DNAH11: variants seen among roughly 807,000 people sequenced by gnomAD.
DNAH11 encodes the protein dynein axonemal heavy chain 11, also known as axonemal beta dynein heavy chain 11.
A neutral mutation model predicts 526.0 loss-of-function variants in DNAH11; 442 were observed. The observed-to-expected ratio is 0.84, with a 90% CI of 0.78 to 0.91. The LOEUF (loss-of-function observed/expected upper bound fraction) is 0.91. Ranked by LOEUF, DNAH11 falls within the 40% of genes least tolerant of loss-of-function variation. The probability of loss-of-function intolerance (pLI) is 0.00; values close to 1 mark genes in which losing one functional copy is unlikely to be tolerated. For missense variants in DNAH11, 6,989 were observed against 5,448.7 expected (o/e 1.28, Z -8.90); for synonymous variants, 2,461 against 1,935.9 (o/e 1.27, Z -7.12).
At chr7:21,749,990 A>G (rs1786341143) in intron 53 of DNAH11, among the ~76,000 whole-genome samples, 189 bp downstream of exon 53, 1 of 152,208 alleles carries the variant, frequency 6.6e-6, no homozygotes, top group Non-Finnish European at 1.5e-5. Flanking sequence ...GAAGGCCTTC[A>G]GTGAAGTAAA....
chr7:21,554,436 G>T (rs1460712206), intron 2 of DNAH11, among the ~76,000 whole-genome samples: 1 of 152,030 alleles, frequency 6.6e-6, no homozygotes, highest in East Asian at 1.9e-4. Context: ...CGGCCTCCCA[G>T]CATGCTGGGA....
chr7:21,595,313 C>T (rs1407050342), intron 14 of DNAH11, among the ~76,000 whole-genome samples: 1 of 152,186 alleles, frequency 6.6e-6, no homozygotes, highest in Non-Finnish European at 1.5e-5. Flanking sequence ...CTCATAATAC[C>T]ATCCCCTTGG....
intron 7 of DNAH11, 76 bp from the exon 8 acceptor site, chr7:21,571,730 A>G: frequency 8.8e-7 from 1 of 1,131,982 alleles, no homozygotes; most frequent in Non-Finnish European, 1.2e-6. Flanking sequence ...ACATTTGAAA[A>G]TGTTCTTGAT....
intron 79 of DNAH11, among the ~76,000 whole-genome samples, chr7:21,898,857 G>C (rs747391492): frequency 6.6e-6 from 1 of 152,174 alleles, no homozygotes; most frequent in African/African-American, 2.4e-5. Context: ...TTAGACTGCC[G>C]TCACGTGCTC....
intron 35 of DNAH11, 122 bp downstream of exon 35, chr7:21,691,003 C>A: frequency 1.4e-6 from 1 of 691,342 alleles, no homozygotes; most frequent in Non-Finnish European, 2.5e-6. Context: ...ATATGATTTC[C>A]TTGGGCTCCT....
At chr7:21,899,497 A>T in intron 80 of DNAH11, 49 bp downstream of exon 80, 3 of 1,424,162 alleles carry the variant, frequency 2.1e-6, no homozygotes, top group Non-Finnish European at 2.9e-6. Flanking sequence ...ACCACAGCCT[A>T]ACCAGAAGCC....
intron 12 of DNAH11, among the ~76,000 whole-genome samples, chr7:21,589,772 C>G (rs2128443171): frequency 6.6e-6 from 1 of 152,226 alleles, no homozygotes; most frequent in Non-Finnish European, 1.5e-5. Flanking sequence ...CGGACAGTTT[C>G]TGGCTTAAAT....
intron 25 of DNAH11, among the ~76,000 whole-genome samples, chr7:21,625,025 T>C (rs1786263417): frequency 6.6e-6 from 1 of 152,158 alleles, no homozygotes; most frequent in African/African-American, 2.4e-5. Context: ...TGTTTGGCTT[T>C]GGTATCAGAA....
Position 21,757,500 on chromosome 7 carries a change from A to T in DNAH11, c.8940+7136A>T, listed in dbSNP as rs182497397. On this transcript the variant is annotated intron_variant, in intron 54 of 81. Coordinates refer to ENST00000409508, the MANE Select transcript of DNAH11 (RefSeq NM_001277115.2). Reference sequence around the variant, plus strand: ...TTTTCTTTCCTTCCAGCCTTTTGAGAGTGCTATGCAAGTTTTTATTCCTTT... The same window carrying T: ...TTTTCTTTCCTTCCAGCCTTTTGAGTGTGCTATGCAAGTTTTTATTCCTTT... Among the ~76,000 whole-genome samples, 5 of 152,078 alleles carry T rather than the reference A, an allele frequency of 3.3e-5. No homozygotes were observed. In the East Asian group the frequency reaches 9.7e-4, roughly 29 times the overall value.
intron 54 of DNAH11, among the ~76,000 whole-genome samples, chr7:21,760,254 C>G (rs1361351133): frequency 6.6e-6 from 1 of 152,166 alleles, no homozygotes; most frequent in Non-Finnish European, 1.5e-5. Context: ...GAAAGGATGT[C>G]TCAGACTGAA....
At chr7:21,567,620 A>C (rs1411216605) in intron 6 of DNAH11, among the ~76,000 whole-genome samples, 2 of 152,232 alleles carry the variant, frequency 1.3e-5, no homozygotes, top group Non-Finnish European at 2.9e-5. Flanking sequence ...AAGGTGGAAC[A>C]GGTGCTGTGT....
intron 65 of DNAH11, among the ~76,000 whole-genome samples, chr7:21,824,483 G>C (rs868415034): frequency 3.0e-4 from 46 of 152,124 alleles, no homozygotes; most frequent in African/African-American, 1.1e-3. Flanking sequence ...TATGTATTTA[G>C]TCAAGTTTCT....
chr7:21,885,492 C>A (rs893199137), intron 76 of DNAH11, among the ~76,000 whole-genome samples: 1 of 152,048 alleles, frequency 6.6e-6, no homozygotes, highest in Non-Finnish European at 1.5e-5. Flanking sequence ...TCAACAGATA[C>A]AAAGTTACCA....
intron 68 of DNAH11, among the ~76,000 whole-genome samples, chr7:21,856,609 C>G (rs1231004385): frequency 6.6e-6 from 1 of 151,970 alleles, no homozygotes; most frequent in Non-Finnish European, 1.5e-5. Flanking sequence ...TTGAATCCAA[C>G]CATATATAAA....
chr7:21,900,949 A>T, intron 81 of DNAH11, 58 bp from the exon 82 acceptor site: 1 of 1,502,292 alleles, frequency 6.7e-7, no homozygotes, highest in Non-Finnish European at 8.9e-7. Flanking sequence ...AACTTACTTG[A>T]TCATTATCAT....
intron 68 of DNAH11, among the ~76,000 whole-genome samples, chr7:21,857,131 A>G (rs1782882558): frequency 6.6e-6 from 1 of 152,220 alleles, no homozygotes; most frequent in Non-Finnish European, 1.5e-5. Context: ...AGGTTGCAGG[A>G]TATAAGGTTG....
chr7:21,709,908 C>T (rs1784398897), intron 40 of DNAH11, among the ~76,000 whole-genome samples: 1 of 152,078 alleles, frequency 6.6e-6, no homozygotes, highest in Non-Finnish European at 1.5e-5. Context: ...GTTTTGCTCA[C>T]AATGCTATTA....
intron 54 of DNAH11, 101 bp downstream of exon 54, chr7:21,750,465 GC>G: frequency 2.0e-6 from 3 of 1,465,898 alleles, no homozygotes; most frequent in Non-Finnish European, 2.8e-6. Flanking sequence ...TTTCAGTCAT[GC>G]ATTTTGAAAG....
At position 21,742,108 on chromosome 7, in the gene DNAH11, C is replaced by A; in HGVS notation, c.8096C>A (p.Pro2699His). 6.2e-7 allele frequency: 1 copy of A among 1,613,856 alleles called. No individual in the cohort carries two copies. Among genetic ancestry groups the A allele is most frequent in the Non-Finnish European group, 8.5e-7 (1 of 1,179,816 alleles). Residue 2699 changes from proline (P) to histidine (H), a missense_variant, in exon 49 of 82, where the codon CCC (proline) becomes CAC (histidine). Transcript: ENST00000409508. ...FHQTMMCNFL[P>H]TAIKFHYIFN... The stretch of plus-strand genomic sequence containing the variant: ...CAGACAATGATGTGTAACTTTTTAC[C>A]CACGGCTATTAAATTCCACTACATC...
Sources: allele counts gnomAD v4.1 joint callset (sites outside exome capture counted in the v4.1 genomes callset), GRCh38; gene constraint gnomAD v4.1.1; transcripts MANE v1.5; gene names NCBI Gene and HGNC (gene_info 2026-07-23, HGNC 2026-07-21).